ACD: variants seen among roughly 807,000 people sequenced by gnomAD.
The protein encoded by ACD is ACD shelterin complex subunit and telomerase recruitment factor.
ACD carries 39 observed loss-of-function variants against 53.9 expected under a neutral mutation model. The observed-to-expected ratio is 0.72, with a 90% confidence interval of 0.56 to 0.95. The LOEUF is 0.95. Among genes scored for constraint, ACD ranks in the 40% least tolerant of loss-of-function variants. The probability of loss-of-function intolerance (pLI) is 0.00; values close to 1 mark genes in which losing one functional copy is unlikely to be tolerated. For synonymous variants in ACD, 273 were observed against 249.2 expected, an observed-to-expected ratio of 1.10 and a Z score of -0.90; for missense variants, 526 against 587.9, an observed-to-expected ratio of 0.89 and a Z score of 1.09.
At position 67,658,816 on chromosome 16, in the gene ACD, C is replaced by T. The variant is rs1201884538; in HGVS notation, c.646G>A (p.Gly216Arg). ...HWAASRCKAT[G>R]EAVYTVPSSM... Reference sequence around the variant, plus strand: ...CTGGGGACAGTGTACACAGCTTCTCCCTGTGGGACATGAACTCTGTAGGAC... The same window carrying T: ...CTGGGGACAGTGTACACAGCTTCTCTCTGTGGGACATGAACTCTGTAGGAC... Residue 216 changes from glycine to arginine, a missense_variant and splice_region_variant, in exon 8 of 12, where the codon GGA becomes AGA. Transcript: ENST00000620761. 6.2e-7 allele frequency: 1 copy of T among 1,610,250 alleles called. No individual in the cohort carries two copies. Among genetic ancestry groups the T allele is most frequent in the East Asian group, 2.2e-5 (1 of 44,782 alleles).
rs551095255 is a variant in ACD, at chr16:67,658,295, G to A, written c.897C>T (p.Ala299=). ...CTGGGTCTGGAGCAGCCAAGGACAG[G>A]GCAGGCAGAAGGCTGATGCTGGTAC... ...ESGTSISLLP[A]LSLAAPDPGQ... is the part of the protein sequence containing the mutation. The change falls in exon 10 of 12, where the codon GCC becomes GCT. Residue 299 remains alanine (A), a synonymous_variant. Transcript: ENST00000620761. 1 of 1,613,858 alleles carries A rather than the reference G, an allele frequency of 6.2e-7. No individual in the cohort carries two copies. The highest frequency in any genetic ancestry group is 2.2e-5 in the East Asian group (1 of 44,878).
chr16:67,658,558 A>T lies in ACD; in HGVS notation c.826T>A (p.Ser276Thr). ...TGTGACCTGTGCATCACCTCACCTGAGGAACTGGGTGAGGAAGGAGGAGAG... is the reference window on the plus strand; with the variant it reads ...TGTGACCTGTGCATCACCTCACCTGTGGAACTGGGTGAGGAAGGAGGAGAG... Reference protein sequence around the residue: ...IASPPSSPSSSGTPALPGHMS... With the variant: ...IASPPSSPSSTGTPALPGHMS... Residue 276 changes from serine to threonine, a missense_variant, in exon 9 of 12, where the codon TCA (serine) becomes ACA (threonine). Physicochemically the swap from Ser to Thr is moderately conservative, Grantham distance 58 (BLOSUM62 1). Transcript: ENST00000620761. 6.4e-7 allele frequency: 1 copy of T among 1,565,374 alleles called. No individual in the cohort carries two copies. Among genetic ancestry groups the T allele is most frequent in the Non-Finnish European group, 8.7e-7 (1 of 1,153,856 alleles).
In ACD at chr16:67,657,823, C is replaced by T; in HGVS notation, c.1237G>A (p.Ala413Thr). The T allele has an allele frequency of 2.5e-6, 4 of 1,614,128 alleles. No individual in the cohort carries two copies. The highest frequency in any genetic ancestry group is 2.5e-6 in the Non-Finnish European group (3 of 1,180,030). ...GGTGGCTCATACTCATACTGGAAGG[C>T]AGAACCATCACGATGCCTCTTTGGG... The part of the protein sequence containing the change: ...EPPKRHRDGS[A>T]FQYEYEPPCT... Residue 413 changes from alanine (A) to threonine (T), a missense_variant, in exon 11 of 12, where the codon GCC becomes ACC. Coordinates refer to ENST00000620761, the MANE Select transcript of ACD (RefSeq NM_001082486.2). This position sits in a 1 kb window ranked among gnomAD's most constrained non-coding sequence, Gnocchi z 4.5.
At position 67,658,735 on chromosome 16, in the gene ACD, A is replaced by G. The variant is rs1400041152; in HGVS notation, c.727T>C (p.Cys243Arg). 3.1e-6 allele frequency: 5 copies of G among 1,612,368 alleles called. No homozygotes were observed. Among genetic ancestry groups the G allele is most frequent in the Non-Finnish European group, 3.4e-6 (4 of 1,178,978 alleles). The change falls in exon 8 of 12, where the codon TGT becomes CGT. Residue 243 changes from cysteine to arginine, a missense_variant. Cys to Arg is a radical substitution (Grantham distance 180). Coordinates refer to ENST00000620761, the MANE Select transcript of ACD (RefSeq NM_001082486.2). The stretch of plus-strand genomic sequence containing the variant: ...TCCCCCTTACCCTGTGTCCTCTGAC[A>G]GGGGCCTAGAGAGCTCAGAATTAGC... ...DQLILSSLGP[C>R]QRTQGPELPP...
At position 67,658,575 on chromosome 16, in the gene ACD, G is replaced by A. The variant is rs1035052101; in HGVS notation, c.809C>T (p.Pro270Leu). The A allele has an allele frequency of 1.9e-5, 30 of 1,570,272 alleles. No homozygotes were observed. Among genetic ancestry groups the A allele is most frequent in the African/African-American group, 2.7e-5 (2 of 73,914 alleles). ...DLSLTLIASP[P>L]SSPSSSGTPA... is the part of the protein sequence containing the mutation. Reference sequence around the variant, plus strand: ...CTCACCTGAGGAACTGGGTGAGGAAGGAGGAGAGGCTATGAGGGTCAGAGA... The same window carrying A: ...CTCACCTGAGGAACTGGGTGAGGAAAGAGGAGAGGCTATGAGGGTCAGAGA... Residue 270 changes from proline (P) to leucine (L), a missense_variant, in exon 9 of 12, where the codon CCT becomes CTT. Pro to Leu is a moderately conservative substitution (Grantham distance 98). Coordinates refer to ENST00000620761, the MANE Select transcript of ACD (RefSeq NM_001082486.2).
Position 67,659,993 on chromosome 16 carries a change from G to A in ACD, c.152C>T (p.Thr51Met). Residue 51 changes from threonine to methionine, a missense_variant, in exon 2 of 12, where the codon ACG (threonine) becomes ATG (methionine). Coordinates refer to ENST00000620761, the MANE Select transcript of ACD (RefSeq NM_001082486.2). Reference protein sequence around the residue: ...AVAGPSHAPDTSDVGATLLVS... With the variant: ...AVAGPSHAPDMSDVGATLLVS... Reference sequence around the variant, plus strand: ...AAGCAGCGTGGCCCCGACGTCGGACGTATCAGGGGCGTGGGATGGGCCCGC... The same window carrying A: ...AAGCAGCGTGGCCCCGACGTCGGACATATCAGGGGCGTGGGATGGGCCCGC... 1 of 1,608,532 alleles carries A rather than the reference G, an allele frequency of 6.2e-7. No individual in the cohort carries two copies. The highest frequency in any genetic ancestry group is 8.5e-7 in the Non-Finnish European group (1 of 1,178,600).
At chr16:67,658,484 A>G in intron 9 of ACD, 71 bp downstream of exon 9, 1 of 1,585,216 alleles carries the variant, frequency 6.3e-7, no homozygotes, top group Non-Finnish European at 8.6e-7. Flanking sequence ...CACCTTTCAC[A>G]GCATCCTGCG....
At position 67,659,066 on chromosome 16, in the gene ACD, G is replaced by A; in HGVS notation, c.507C>T (p.Ser169=). 1 of 1,613,960 alleles carries A rather than the reference G, an allele frequency of 6.2e-7. No homozygotes were observed. Among genetic ancestry groups the A allele is most frequent in the Non-Finnish European group, 8.5e-7 (1 of 1,179,992 alleles). ...STSSNAGLSL[S]QLLDEMREDQ... Reference sequence around the variant, plus strand: ...CCTCCCGCATTTCATCCAGAAGCTGGGACAGTGATAGGCCTGGGGACAGGG... The same window carrying A: ...CCTCCCGCATTTCATCCAGAAGCTGAGACAGTGATAGGCCTGGGGACAGGG... Residue 169 remains serine (S), a synonymous_variant, in exon 7 of 12, where the codon TCC becomes TCT. Transcript: ENST00000620761.
intron 6 of ACD, 40 bp from the exon 7 acceptor site, chr16:67,659,119 G>A (rs1389686152): frequency 2.5e-6 from 4 of 1,609,882 alleles, no homozygotes; most frequent in African/African-American, 1.3e-5. Context: ...AGGCTTAAAG[G>A]GGAGGACCAG....
chr16:67,657,766 C>T lies in ACD; in HGVS notation c.1294G>A (p.Val432Ile). 1 of 1,614,086 alleles carries T rather than the reference C, an allele frequency of 6.2e-7. No individual in the cohort carries two copies. ...GGGGCAGACCCAGGCACTCACCTGA[C>T]AGCTTGGACCCGAGCACAGAGGGAC... ...CTSLCARVQAVRLPPQLMAWA... is the reference protein window; with the variant it reads ...CTSLCARVQAIRLPPQLMAWA... Residue 432 changes from valine to isoleucine, a missense_variant, in exon 11 of 12, where the codon GTC becomes ATC. Val to Ile is a conservative substitution (Grantham distance 29). Coordinates refer to ENST00000620761, the MANE Select transcript of ACD (RefSeq NM_001082486.2). The surrounding 1 kb of genome is among the most constrained non-coding windows in gnomAD (Gnocchi z 4.5).
In ACD at chr16:67,657,702, C is replaced by T; in HGVS notation, c.1299-18G>A. Reference sequence around the variant, plus strand: ...GAGGAAGCCTGGAAAGAAACCACCGCTGCAGGTCAATGGAGCCTGGGACTA... The same window carrying T: ...GAGGAAGCCTGGAAAGAAACCACCGTTGCAGGTCAATGGAGCCTGGGACTA... On this transcript the variant is annotated intron_variant, in intron 11 of 11. Transcript: ENST00000620761. The surrounding 1 kb of genome is among the most constrained non-coding windows in gnomAD (Gnocchi z 4.5). The T allele has an allele frequency of 6.2e-7, 1 of 1,614,126 alleles. No individual in the cohort carries two copies. The highest frequency in any genetic ancestry group is 8.5e-7 in the Non-Finnish European group (1 of 1,180,024).
In ACD at chr16:67,660,244, G is replaced by A. The variant is rs770445581; in HGVS notation, c.-24C>T. 3.0e-5 allele frequency: 48 copies of A among 1,612,580 alleles called. No individual in the cohort carries two copies. The South Asian group carries it at 4.5e-4, about 15-fold the overall frequency. On this transcript the variant is annotated 5_prime_UTR_variant, in exon 1 of 12. Transcript: ENST00000620761. ...ATCCCCACGGCTACACCCAGCGGAT[G>A]CAACGGGCCCGGGTTTCCCGCGGGC...
In ACD at chr16:67,658,956, T is replaced by G. The variant is rs755371076; in HGVS notation, c.617A>C (p.His206Pro). ...EGPCTAPPVT[H>P]WAASRCKATG... The stretch of plus-strand genomic sequence containing the variant: ...GGCCTTGCATCGTGAGGCAGCCCAG[T>G]GGGTGACAGGGGGTGCTGTGCAAGG... The change falls in exon 7 of 12, where the codon CAC becomes CCC. Residue 206 changes from histidine to proline, a missense_variant. Physicochemically the swap from His to Pro is moderately conservative, Grantham distance 77. Coordinates refer to ENST00000620761, the MANE Select transcript of ACD (RefSeq NM_001082486.2). 3.4e-5 allele frequency: 55 copies of G among 1,613,686 alleles called. 2 individuals are homozygous for G. The Middle Eastern group carries it at 3.3e-3, about 97-fold the overall frequency.
chr16:67,659,728 G>C lies in ACD; in HGVS notation c.310C>G (p.His104Asp). 6.2e-7 allele frequency: 1 copy of C among 1,613,380 alleles called. No individual in the cohort carries two copies. The highest frequency in any genetic ancestry group is 8.5e-7 in the Non-Finnish European group (1 of 1,179,978). ...RLLLLQDCGV[H>D]VQVAEGGAPA... ...GCGCCGCCCTCAGCGACCTGGACAT[G>C]AACCCCGCAGTCCTGCAGCAGCAGC... Residue 104 changes from histidine (H) to aspartate (D), a missense_variant, in exon 3 of 12, where the codon CAT becomes GAT. Transcript: ENST00000620761.
chr16:67,658,728 C>A lies in ACD; in HGVS notation c.734G>T (p.Arg245Met), dbSNP rs1048865744. The part of the protein sequence containing the change: ...LILSSLGPCQ[R>M]TQGPELPPPD... The stretch of plus-strand genomic sequence containing the variant: ...TCTCCAGTCCCCCTTACCCTGTGTC[C>A]TCTGACAGGGGCCTAGAGAGCTCAG... The change falls in exon 8 of 12, where the codon AGG (arginine) becomes ATG (methionine). Residue 245 changes from arginine (R) to methionine (M), a missense_variant. Coordinates refer to ENST00000620761, the MANE Select transcript of ACD (RefSeq NM_001082486.2). The A allele has an allele frequency of 6.2e-7, 1 of 1,611,854 alleles. No homozygotes were observed. The highest frequency in any genetic ancestry group is 8.5e-7 in the Non-Finnish European group (1 of 1,178,676).
Position 67,660,038 on chromosome 16 carries a change from T to G in ACD, c.107A>C (p.Gln36Pro), listed in dbSNP as rs146699133. Residue 36 changes from glutamine to proline, a missense_variant, in exon 2 of 12, where the codon CAG (glutamine) becomes CCG (proline). Physicochemically the swap from Gln to Pro is moderately conservative, Grantham distance 76. Coordinates refer to ENST00000620761, the MANE Select transcript of ACD (RefSeq NM_001082486.2). ...GCCCGCGACCGCGGCCTCGGCGTCC[T>G]GTAGTACCTGACGGCGGCGAGCGGC... ...PRAGQLLEVLQDAEAAVAGPS... is the reference protein window; with the variant it reads ...PRAGQLLEVLPDAEAAVAGPS... 6.2e-7 allele frequency: 1 copy of G among 1,607,846 alleles called. No individual in the cohort carries two copies. The highest frequency in any genetic ancestry group is 1.7e-5 in the Admixed American group (1 of 59,646).
rs374564303 is a variant in ACD at position 67,659,753 on chromosome 16, C to T, written c.285G>A (p.Leu95=). The change falls in exon 3 of 12, where the codon CTG becomes CTA. Residue 95 remains leucine, a synonymous_variant. Transcript: ENST00000620761. ...GAACCCCGCAGTCCTGCAGCAGCAG[C>T]AGCCGGCCCTCTGTCCCGCGGAAGC... ...EFGFRGTEGR[L]LLLQDCGVHV... 3.1e-6 allele frequency: 5 copies of T among 1,612,718 alleles called. No homozygotes were observed.
At position 67,657,593 on chromosome 16, in the gene ACD, C is replaced by G; in HGVS notation, c.*13G>C. The G allele has an allele frequency of 6.2e-7, 1 of 1,614,094 alleles. No homozygotes were observed. Among genetic ancestry groups the G allele is most frequent in the Admixed American group, 1.7e-5 (1 of 60,024 alleles). On this transcript the variant is annotated 3_prime_UTR_variant, in exon 12 of 12. Transcript: ENST00000620761. The surrounding 1 kb of genome is among the most constrained non-coding windows in gnomAD (Gnocchi z 4.5). ...AAGCAGAGTGTGGAGCGGTATCTGT[C>G]CTGCGTGACGTCTCACATCGGAGTT...
rs376078661 is a variant in ACD, at chr16:67,658,697, C to T, written c.742+23G>A. 18 of 1,598,902 alleles carry T rather than the reference C, an allele frequency of 1.1e-5. No individual in the cohort carries two copies. In the African/African-American group the frequency reaches 2.1e-4, roughly 19 times the overall value. On this transcript the variant is annotated intron_variant, in intron 8 of 11. Coordinates refer to ENST00000620761, the MANE Select transcript of ACD (RefSeq NM_001082486.2). Reference sequence around the variant, plus strand: ...GTGGACCTGGGCCCCAGGTATCCCCCCAACCTCTCCAGTCCCCCTTACCCT... The same window carrying T: ...GTGGACCTGGGCCCCAGGTATCCCCTCAACCTCTCCAGTCCCCCTTACCCT...
Sources: gnomAD v4.1 joint callset for allele counts on GRCh38, gnomAD v4.1.1 for gene constraint, Gnocchi (gnomAD v3.1) non-coding constraint, MANE v1.5 for transcripts, NCBI Gene and HGNC (gene_info 2026-07-23, HGNC 2026-07-21) for gene names.